The following TRHDE variants were observed in gnomAD, a reference collection of about 807,000 sequenced individuals.
The protein encoded by TRHDE is thyrotropin releasing hormone degrading enzyme.
In TRHDE, 72 loss-of-function variants were observed where a neutral mutation model predicts 125.7. The ratio of observed to expected loss-of-function variants is 0.57; its 90% CI spans 0.47 to 0.70. The LOEUF is 0.70. TRHDE is among the 30% of genes least tolerant of loss of function. The probability of loss-of-function intolerance (pLI) is 0.00; values close to 1 mark genes in which losing one functional copy is unlikely to be tolerated. For missense variants in TRHDE, 1,110 were observed against 1,327.1 expected (o/e 0.84, Z 2.54); for synonymous variants, 509 against 509.1 (o/e 1.00, Z 0.00).
intron 2 of TRHDE, among the ~76,000 whole-genome samples, chr12:72,292,259 G>A (rs902653430): frequency 2.0e-5 from 3 of 152,186 alleles, no homozygotes; most frequent in Non-Finnish European, 2.9e-5. Context: ...TTCATCCTTA[G>A]ACCATTTTTG....
At chr12:72,611,187 G>T in intron 12 of TRHDE, 1 of 199,646 alleles carries the variant, frequency 5.0e-6, no homozygotes, top group Non-Finnish European at 1.1e-5. Context: ...GTTTTGTCCT[G>T]TCTGTGCTGA....
chr12:72,560,256 G>A (rs1047615673), intron 7 of TRHDE, among the ~76,000 whole-genome samples: 7 of 152,130 alleles, frequency 4.6e-5, no homozygotes, highest in Non-Finnish European at 8.8e-5. Context: ...CTTATGTCTG[G>A]ATAATTTTCA....
intron 2 of TRHDE, among the ~76,000 whole-genome samples, chr12:72,241,182 T>A (rs979034255): frequency 6.6e-6 from 1 of 152,188 alleles, no homozygotes. Flanking sequence ...ATACAAGGAC[T>A]TTTTTGGTGG....
chr12:72,661,462 T>A (rs1874913883), intron 18 of TRHDE, among the ~76,000 whole-genome samples: 1 of 152,172 alleles, frequency 6.6e-6, no homozygotes, highest in South Asian at 2.1e-4. Context: ...CTATAACATG[T>A]AAATAATGCC....
intron 10 of TRHDE, among the ~76,000 whole-genome samples, chr12:72,573,169 A>T (rs57810138): frequency 0.27 from 40,427 of 151,762 alleles, 8,119 homozygotes; most frequent in African/African-American, 0.54. Context: ...AAGAAACAAC[A>T]TTCTCAATAT....
intron 3 of TRHDE, among the ~76,000 whole-genome samples, chr12:72,439,848 T>A (rs1874917740): frequency 6.6e-6 from 1 of 151,896 alleles, no homozygotes; most frequent in African/African-American, 2.4e-5. Flanking sequence ...AGCTTTCAAC[T>A]TTCCTGACAT....
chr12:72,574,136 C>T (rs955062064), intron 10 of TRHDE, among the ~76,000 whole-genome samples: 2 of 151,732 alleles, frequency 1.3e-5, no homozygotes, highest in African/African-American at 4.8e-5. Context: ...CTTGTGTAGT[C>T]TCTACTTGAG....
At chr12:72,517,128 G>A (rs1227001601) in intron 6 of TRHDE, among the ~76,000 whole-genome samples, 136 of 151,736 alleles carry the variant, frequency 9.0e-4, no homozygotes, top group Middle Eastern at 3.4e-3. Context: ...GTCTCTGCCA[G>A]GCTTTGGTAT....
At chr12:72,266,385 T>G (rs1879070839) in intron 2 of TRHDE, among the ~76,000 whole-genome samples, 1 of 151,952 alleles carries the variant, frequency 6.6e-6, no homozygotes, top group East Asian at 1.9e-4. Context: ...TCCTAAAGCA[T>G]GTAAACTGCT....
At position 72,452,668 on chromosome 12, in the gene TRHDE, G is replaced by A. The variant is rs73344450; in HGVS notation, c.1316-17090G>A. Among the ~76,000 whole-genome samples, 1,334 of 152,212 alleles carry A rather than the reference G, an allele frequency of 8.8e-3. 22 individuals are homozygous for A. The highest frequency in any genetic ancestry group is 0.03 in the African/African-American group (1,245 of 41,536). On this transcript the variant is annotated intron_variant, in intron 3 of 18. Coordinates refer to ENST00000261180, the MANE Select transcript of TRHDE (RefSeq NM_013381.3). ...CACTGTTGAAGATGGGGCCTGATGGGAGGTGATTAGATCATGGGGGTGGAC... is the reference window on the plus strand; with the variant it reads ...CACTGTTGAAGATGGGGCCTGATGGAAGGTGATTAGATCATGGGGGTGGAC...
intron 2 of TRHDE, among the ~76,000 whole-genome samples, chr12:72,237,778 T>A (rs1188463489): frequency 2.0e-5 from 3 of 152,182 alleles, no homozygotes; most frequent in Non-Finnish European, 4.4e-5. Context: ...TTTCCCAGTC[T>A]CAGGTAGTAA....
chr12:72,254,412 T>A (rs1248448638), intron 2 of TRHDE: 1 of 152,122 alleles, frequency 6.6e-6, no homozygotes, highest in Non-Finnish European at 1.5e-5. Flanking sequence ...TGCACACACA[T>A]GCAAAAATTG....
At chr12:72,464,634 C>G (rs1253424172) in intron 3 of TRHDE, among the ~76,000 whole-genome samples, 1 of 151,896 alleles carries the variant, frequency 6.6e-6, no homozygotes, top group South Asian at 2.1e-4. Context: ...AAAAACAAAG[C>G]AAAACAAAAC....
intron 2 of TRHDE, among the ~76,000 whole-genome samples, chr12:72,231,099 G>C (rs1422746000): frequency 6.6e-6 from 1 of 151,940 alleles, no homozygotes; most frequent in Non-Finnish European, 1.5e-5. Flanking sequence ...CAGAAATTTA[G>C]CAGATAAGAG....
chr12:72,413,800 T>A (rs1873616664), intron 3 of TRHDE, among the ~76,000 whole-genome samples: 1 of 152,038 alleles, frequency 6.6e-6, no homozygotes, highest in Non-Finnish European at 1.5e-5. Context: ...TCCAAAGAAT[T>A]GTTGGCCTTG....
rs1288865897 is a variant in TRHDE, at chr12:72,664,559, G to T, written c.*1364G>T. ...TGTGTAACACAAATGTTTTTAAATGGTATTCTCACCCAGTAGGCCAGCTCT... is the reference window on the plus strand; with the variant it reads ...TGTGTAACACAAATGTTTTTAAATGTTATTCTCACCCAGTAGGCCAGCTCT... On this transcript the variant is annotated 3_prime_UTR_variant, in exon 19 of 19. Transcript: ENST00000261180. The T allele has an allele frequency of 2.6e-5, 4 of 152,236 alleles. No individual in the cohort carries two copies. In the East Asian group the frequency reaches 7.7e-4, roughly 29 times the overall value. 9.4% of individuals were successfully genotyped at this position (152,236 alleles called of 1,614,324 possible). A position where few individuals can be genotyped will look rare whatever the true frequency, so the allele number is the denominator to read the frequency against.
intron 5 of TRHDE, among the ~76,000 whole-genome samples, chr12:72,482,997 G>C (rs575477966): frequency 6.6e-6 from 1 of 152,064 alleles, no homozygotes; most frequent in South Asian, 2.1e-4. Context: ...CAACAAGATA[G>C]TATTTTCTAT....
At chr12:72,590,077 T>C (rs1053778357) in intron 12 of TRHDE, among the ~76,000 whole-genome samples, 5 of 152,064 alleles carry the variant, frequency 3.3e-5, no homozygotes, top group African/African-American at 1.2e-4. Context: ...TTATATATGG[T>C]ATCATTCAGT....
intron 3 of TRHDE, among the ~76,000 whole-genome samples, chr12:72,398,203 T>C (rs867127913): frequency 1.4e-4 from 22 of 152,062 alleles, no homozygotes; most frequent in African/African-American, 4.6e-4. Flanking sequence ...ATGGTGTATA[T>C]GTGCCACATT....
Sources: allele counts gnomAD v4.1 joint callset (sites outside exome capture counted in the v4.1 genomes callset), GRCh38; gene constraint gnomAD v4.1.1; transcripts MANE v1.5; gene names NCBI Gene and HGNC (gene_info 2026-07-23, HGNC 2026-07-21).